SMAD2: variants seen among roughly 807,000 people sequenced by gnomAD.
SMAD2 encodes the protein SMAD family member 2.
SMAD2 carries 8 observed loss-of-function variants against 64.4 expected under a neutral mutation model. The observed-to-expected ratio is 0.12, with a 90% CI of 0.07 to 0.22. The LOEUF (loss-of-function observed/expected upper bound fraction) is 0.22. Ranked by LOEUF, SMAD2 falls within the 10% of genes least tolerant of loss-of-function variation. The pLI is 1.00. For missense variants in SMAD2, 289 were observed against 561.2 expected (o/e 0.51, Z 4.90); for synonymous variants, 203 against 195.8 (o/e 1.04, Z -0.31).
intron 7 of SMAD2, among the ~76,000 whole-genome samples, chr18:47,850,232 T>TTATATATTATA: frequency 2.3e-5 from 1 of 43,478 alleles, no homozygotes; most frequent in East Asian, 1.4e-3. Flanking sequence ...ATAATATATA[T>TTATATATTATA]TATATATTAT....
rs145495094 is a variant in SMAD2 at position 47,879,342 on chromosome 18, G to A, written c.237-8778C>T. Reference sequence around the variant, plus strand: ...ATTTCTCAATGTCTGGCATCCATGCGCTCATCCCCAGAGGCAACCACTAAT... The same window carrying A: ...ATTTCTCAATGTCTGGCATCCATGCACTCATCCCCAGAGGCAACCACTAAT... On this transcript the variant is annotated intron_variant, in intron 2 of 10. Coordinates refer to ENST00000262160, the MANE Select transcript of SMAD2 (RefSeq NM_005901.6). Among the ~76,000 whole-genome samples the A allele has an allele frequency of 9.2e-5, 14 of 152,120 alleles. No individual in the cohort carries two copies. The East Asian group carries it at 1.5e-3, about 17-fold the overall frequency.
chr18:47,888,330 G>A (rs991381777), intron 2 of SMAD2, among the ~76,000 whole-genome samples: 3 of 152,162 alleles, frequency 2.0e-5, no homozygotes, highest in African/African-American at 7.2e-5. Context: ...CTGGAGTCAC[G>A]TGTAGATTCT....
In SMAD2 at chr18:47,860,271, G is replaced by C. The variant is rs1194200623; in HGVS notation, c.730+4788C>G. 2.0e-5 allele frequency among the ~76,000 whole-genome samples: 3 copies of C among 151,676 alleles called. No homozygotes were observed. In the South Asian group the frequency reaches 6.3e-4, roughly 32 times the overall value. ...TTTCCTACAAGAGATGGTTTCTCTG[G>C]AAAAATCAAACTTTGTTTTGAATAC... On this transcript the variant is annotated intron_variant, in intron 6 of 10. Coordinates refer to ENST00000262160, the MANE Select transcript of SMAD2 (RefSeq NM_005901.6).
At chr18:47,866,432 TTTTCA>T in intron 5 of SMAD2, among the ~76,000 whole-genome samples, 1 of 151,660 alleles carries the variant, frequency 6.6e-6, no homozygotes, top group East Asian at 1.9e-4. Context: ...AGTATCAAAC[TTTTCA>T]TTTAAGTGTC....
rs538481984 is a variant in SMAD2 at position 47,903,660 on chromosome 18, G to T, written c.-53-6851C>A. 8.5e-5 allele frequency among the ~76,000 whole-genome samples: 13 copies of T among 152,088 alleles called. No individual in the cohort carries two copies. In the South Asian group the frequency reaches 2.7e-3, roughly 32 times the overall value. On this transcript the variant is annotated intron_variant, in intron 1 of 10. Transcript: ENST00000262160. ...AGATAACTATAATAAAAATGCTAAA[G>T]AAACTGATGGAAGAGATAGCAACAT...
chr18:47,883,523 C>A (rs1389330647), intron 2 of SMAD2, among the ~76,000 whole-genome samples: 2 of 152,152 alleles, frequency 1.3e-5, no homozygotes, highest in African/African-American at 2.4e-5. Flanking sequence ...AATAATGTAA[C>A]TTAAAACTTC....
At chr18:47,863,829 T>C (rs2031366022) in intron 6 of SMAD2, among the ~76,000 whole-genome samples, 1 of 152,232 alleles carries the variant, frequency 6.6e-6, no homozygotes. Context: ...ATGTTAACTC[T>C]GTATTTAACT....
intron 2 of SMAD2, chr18:47,895,255 C>T (rs750586670): frequency 6.6e-6 from 1 of 152,210 alleles, no homozygotes; most frequent in Non-Finnish European, 1.5e-5. Flanking sequence ...TATTCTAATA[C>T]AAGAAGCTCA....
chr18:47,837,976 A>T lies in SMAD2; in HGVS notation c.*3851T>A, dbSNP rs1913593475. 4.3e-6 allele frequency: 1 copy of T among 232,764 alleles called. No individual in the cohort carries two copies. Among genetic ancestry groups the T allele is most frequent in the Non-Finnish European group, 8.5e-6 (1 of 117,512 alleles). The allele number at this position is 232,764 out of a possible 1,614,324, so 14.4% of individuals were successfully genotyped here. A position where few individuals can be genotyped will look rare whatever the true frequency, so the allele number is the denominator to read the frequency against. ...AGACGAAGAGGGTATCTAACACTGA[A>T]TAAATGCTGAACCTATTTAGTAGTT... On this transcript the variant is annotated 3_prime_UTR_variant, in exon 11 of 11. Transcript: ENST00000262160.
intron 3 of SMAD2, 85 bp downstream of exon 3, chr18:47,870,390 A>G: frequency 1.0e-6 from 1 of 964,224 alleles, no homozygotes; most frequent in Non-Finnish European, 1.7e-6. Flanking sequence ...AGGCAAAATT[A>G]TACTAAGCAA....
chr18:47,880,899 G>A (rs927171643), intron 2 of SMAD2, among the ~76,000 whole-genome samples: 1 of 152,104 alleles, frequency 6.6e-6, no homozygotes, highest in African/African-American at 2.4e-5. Flanking sequence ...GGTGATTTTG[G>A]CAAAGTTTGT....
intron 5 of SMAD2, among the ~76,000 whole-genome samples, chr18:47,865,849 T>A (rs2031514228): frequency 6.6e-6 from 1 of 152,208 alleles, no homozygotes; most frequent in South Asian, 2.1e-4. Context: ...CAGAAAGGTA[T>A]CTGAATAGCT....
intron 7 of SMAD2, among the ~76,000 whole-genome samples, chr18:47,850,108 G>A (rs1346904531): frequency 7.4e-6 from 1 of 135,978 alleles, no homozygotes; most frequent in Admixed American, 8.5e-5. Context: ...GGTTGAATCT[G>A]CAGATGCTGA....
rs1221064468 is a variant in SMAD2 at position 47,832,900 on chromosome 18, G to T, written c.*8927C>A. 1 of 156,814 alleles carries T rather than the reference G, an allele frequency of 6.4e-6. No homozygotes were observed. Among genetic ancestry groups the T allele is most frequent in the East Asian group, 1.6e-4 (1 of 6,076 alleles). 9.7% of individuals were successfully genotyped at this position (156,814 alleles called of 1,614,324 possible). On this transcript the variant is annotated 3_prime_UTR_variant, in exon 11 of 11. Transcript: ENST00000262160. ...GTAGTATAAATTTATCTCCCGGGGG[G>T]ATAGGATAATCTTTTATGTAACACC...
At position 47,835,283 on chromosome 18, in the gene SMAD2, A is replaced by G. The variant is rs1361626292; in HGVS notation, c.*6544T>C. ...ACAGTTGGGTTTTTAAAAAAATTCA[A>G]AACTCATGCATGTTACCTACTTGTC... On this transcript the variant is annotated 3_prime_UTR_variant, in exon 11 of 11. Coordinates refer to ENST00000262160, the MANE Select transcript of SMAD2 (RefSeq NM_005901.6). The G allele has an allele frequency of 4.7e-6, 1 of 211,926 alleles. No homozygotes were observed. Among genetic ancestry groups the G allele is most frequent in the South Asian group, 1.9e-4 (1 of 5,316 alleles). 13.1% of individuals were successfully genotyped at this position (211,926 alleles called of 1,614,324 possible). A position where few individuals can be genotyped will look rare whatever the true frequency, so the allele number is the denominator to read the frequency against.
chr18:47,881,848 G>A (rs1476099417), intron 2 of SMAD2, among the ~76,000 whole-genome samples: 2 of 151,960 alleles, frequency 1.3e-5, no homozygotes, highest in African/African-American at 2.4e-5. Context: ...TCCCTCCTTG[G>A]TTAATGCAGT....
At chr18:47,914,515 T>C (rs989833764) in intron 1 of SMAD2, among the ~76,000 whole-genome samples, 8 of 152,174 alleles carry the variant, frequency 5.3e-5, no homozygotes, top group African/African-American at 1.7e-4. Context: ...ATGGATGCTT[T>C]AGTTTACTTT....
chr18:47,860,883 C>T (rs1471445141), intron 6 of SMAD2, among the ~76,000 whole-genome samples: 2 of 152,114 alleles, frequency 1.3e-5, no homozygotes, highest in African/African-American at 4.8e-5. Context: ...AGAACTTCCT[C>T]AATCAGATAC....
chr18:47,826,600 A>G lies in SMAD2; in HGVS notation c.*15227T>C, dbSNP rs1462064530. 1 of 152,250 alleles carries G rather than the reference A, an allele frequency of 6.6e-6. No individual in the cohort carries two copies. The highest frequency in any genetic ancestry group is 1.5e-5 in the Non-Finnish European group (1 of 68,048). The allele number at this position is 152,250 out of a possible 1,614,324, so 9.4% of individuals were successfully genotyped here. On this transcript the variant is annotated 3_prime_UTR_variant, in exon 11 of 11. Coordinates refer to ENST00000262160, the MANE Select transcript of SMAD2 (RefSeq NM_005901.6). ...GGCCAACTCCCTCATGAACGAGGAA[A>G]GACTACAACTGCTCCAGAGACATCT...
Sources: gnomAD v4.1 joint callset for allele counts (sites outside exome capture counted in the v4.1 genomes callset) on GRCh38, gnomAD v4.1.1 for gene constraint, MANE v1.5 for transcripts, NCBI Gene and HGNC (gene_info 2026-07-23, HGNC 2026-07-21) for gene names.